ZC3H18: variants seen among roughly 807,000 people sequenced by gnomAD.
ZC3H18 encodes zinc finger CCCH-type containing 18.
ZC3H18 carries 8 observed loss-of-function variants against 106.1 expected under a neutral mutation model. That is an observed-to-expected ratio of 0.08 (90% confidence interval 0.04 to 0.14). The LOEUF (loss-of-function observed/expected upper bound fraction) is 0.14, where lower values mean the gene tolerates loss of function less well. Ranked by LOEUF, ZC3H18 falls within the 10% of genes least tolerant of loss-of-function variation. The pLI, the probability that ZC3H18 is intolerant of heterozygous loss-of-function variation, is 1.00. For synonymous variants in ZC3H18, 635 were observed against 522.1 expected (o/e 1.22, Z -2.95); for missense variants, 1,318 against 1,278.4 (o/e 1.03, Z -0.47).
chr16:88,630,496 C>A lies in ZC3H18; in HGVS notation c.2578C>A (p.Arg860=), dbSNP rs746119523. ...TACCTATCACCCAGGTTCTCGGGAC[C>A]GGAAGTCAGGTGGGAGACTGGGCTC... ...NTSPDRGSRD[R]KSGGRLGSPK... Residue 860 remains arginine (R), a synonymous_variant, in exon 17 of 18, where the codon CGG becomes AGG. Transcript: ENST00000301011. 6.2e-7 allele frequency: 1 copy of A among 1,613,320 alleles called. No homozygotes were observed. Among genetic ancestry groups the A allele is most frequent in the Non-Finnish European group, 8.5e-7 (1 of 1,179,856 alleles).
intron 8 of ZC3H18, among the ~76,000 whole-genome samples, chr16:88,613,717 T>G (rs1168218966): frequency 6.6e-6 from 1 of 152,256 alleles, no homozygotes; most frequent in Non-Finnish European, 1.5e-5. Flanking sequence ...CCTTTATGTA[T>G]TCCAGATACA....
At chr16:88,625,625 C>T (rs150404505) in intron 13 of ZC3H18, 213 of 283,880 alleles carry the variant, frequency 7.5e-4, no homozygotes, top group African/African-American at 4.3e-3. Flanking sequence ...GCTGGGCCTG[C>T]GTGACCTATC....
At chr16:88,616,876 T>G (rs1905641439) in intron 8 of ZC3H18, among the ~76,000 whole-genome samples, 1 of 152,156 alleles carries the variant, frequency 6.6e-6, no homozygotes, top group African/African-American at 2.4e-5. Flanking sequence ...GCATGGGGGC[T>G]ACACCCTAGT....
chr16:88,594,755 A>G (rs1254231573), intron 3 of ZC3H18, among the ~76,000 whole-genome samples: 3 of 152,114 alleles, frequency 2.0e-5, no homozygotes, highest in Admixed American at 6.5e-5. Flanking sequence ...TACCTTTTAG[A>G]GTGGGTGGGT....
At chr16:88,608,129 TATC>T (rs1351959534) in intron 6 of ZC3H18, among the ~76,000 whole-genome samples, 7 of 152,334 alleles carry the variant, frequency 4.6e-5, no homozygotes, top group Non-Finnish European at 8.8e-5. Flanking sequence ...TATAGTATCA[TATC>T]ATTTTGCAAA....
chr16:88,580,377 T>C (rs1368407669), intron 2 of ZC3H18, among the ~76,000 whole-genome samples: 2 of 152,012 alleles, frequency 1.3e-5, no homozygotes, highest in Non-Finnish European at 2.9e-5. Flanking sequence ...TGAGAACCTT[T>C]GTAATGTGAA....
chr16:88,595,025 C>T (rs2142648728), intron 3 of ZC3H18, among the ~76,000 whole-genome samples: 1 of 152,258 alleles, frequency 6.6e-6, no homozygotes, highest in East Asian at 1.9e-4. Context: ...GTGGTGCATG[C>T]CTGTAATTCC....
chr16:88,624,516 C>A, intron 11 of ZC3H18, 86 bp from the exon 12 acceptor site: 1 of 1,597,660 alleles, frequency 6.3e-7, no homozygotes, highest in South Asian at 1.1e-5. Context: ...TGTCGTTCCC[C>A]GAGCTGTGGG....
intron 3 of ZC3H18, among the ~76,000 whole-genome samples, chr16:88,593,490 T>G (rs1236130715): frequency 6.6e-6 from 1 of 152,212 alleles, no homozygotes; most frequent in Non-Finnish European, 1.5e-5. Flanking sequence ...ATTTTCGATT[T>G]AGTATTTTCA....
intron 8 of ZC3H18, 69 bp from the exon 9 acceptor site, chr16:88,622,128 G>A: frequency 6.6e-7 from 1 of 1,517,520 alleles, no homozygotes; most frequent in Admixed American, 2.0e-5. Context: ...CTCTCCCGCT[G>A]CTGTCACACC....
intron 8 of ZC3H18, among the ~76,000 whole-genome samples, chr16:88,617,953 T>C (rs1905726388): frequency 6.6e-6 from 1 of 152,186 alleles, no homozygotes; most frequent in African/African-American, 2.4e-5. Context: ...TTCAGAGGGA[T>C]TTGTGACTCC....
intron 8 of ZC3H18, among the ~76,000 whole-genome samples, chr16:88,618,580 G>A (rs1484666984): frequency 1.3e-5 from 2 of 152,228 alleles, no homozygotes; most frequent in Non-Finnish European, 2.9e-5. Context: ...TGTGGCTGCT[G>A]GCATCGGTGA....
At chr16:88,619,824 C>T (rs1191775965) in intron 8 of ZC3H18, among the ~76,000 whole-genome samples, 2 of 152,330 alleles carry the variant, frequency 1.3e-5, no homozygotes, top group East Asian at 3.9e-4. Context: ...AAGGGCCGCG[C>T]TGTCCCTGTG....
intron 3 of ZC3H18, chr16:88,587,434 T>C (rs773975537): frequency 4.8e-5 from 42 of 867,218 alleles, no homozygotes; most frequent in Non-Finnish European, 7.3e-5. Context: ...GGTAGGAAGG[T>C]GTTTTTCTCT....
chr16:88,615,516 G>C (rs1241220697), intron 8 of ZC3H18, among the ~76,000 whole-genome samples: 2 of 152,182 alleles, frequency 1.3e-5, no homozygotes, highest in African/African-American at 4.8e-5. Context: ...GTATCAGCCT[G>C]CATTTTTACC....
intron 8 of ZC3H18, among the ~76,000 whole-genome samples, chr16:88,617,505 C>G (rs557904263): frequency 6.6e-6 from 1 of 152,288 alleles, no homozygotes; most frequent in Admixed American, 6.5e-5. Flanking sequence ...CGCCGAGGCA[C>G]GTCATTACGA....
At position 88,630,473 on chromosome 16, in the gene ZC3H18, C is replaced by T. The variant is rs778363879; in HGVS notation, c.2567-12C>T. Reference sequence around the variant, plus strand: ...ATCAGGAGGGTGGTCTCACTCTGTACCTATCACCCAGGTTCTCGGGACCGG... The same window carrying T: ...ATCAGGAGGGTGGTCTCACTCTGTATCTATCACCCAGGTTCTCGGGACCGG... On this transcript the variant is annotated splice_polypyrimidine_tract_variant and intron_variant, in intron 16 of 17. Transcript: ENST00000301011. 5 of 1,610,970 alleles carry T rather than the reference C, an allele frequency of 3.1e-6. No individual in the cohort carries two copies. The highest frequency in any genetic ancestry group is 2.2e-5 in the South Asian group (2 of 90,434).
At chr16:88,621,302 G>A (rs1488421567) in intron 8 of ZC3H18, among the ~76,000 whole-genome samples, 1 of 150,500 alleles carries the variant, frequency 6.6e-6, no homozygotes, top group Admixed American at 6.6e-5. Context: ...TCGGCTCACT[G>A]CAAGCTCCAC....
rs534586184 is a variant in ZC3H18 at position 88,622,470 on chromosome 16, G to A, written c.1667+82G>A. 22 of 1,432,554 alleles carry A rather than the reference G, an allele frequency of 1.5e-5. No homozygotes were observed. In the South Asian group the frequency reaches 2.8e-4, roughly 18 times the overall value. The allele number at this position is 1,432,554 out of a possible 1,614,324, so 88.7% of individuals were successfully genotyped here. A position where few individuals can be genotyped will look rare whatever the true frequency, so the allele number is the denominator to read the frequency against. ...ACCATGTACCTCACTGGGTCAGGTG[G>A]GGAACACCCCAGCCCCACTGTTTGC... On this transcript the variant is annotated intron_variant, in intron 9 of 17. Coordinates refer to ENST00000301011, the MANE Select transcript of ZC3H18 (RefSeq NM_144604.4).
Sources: gnomAD v4.1 joint callset for allele counts (sites outside exome capture counted in the v4.1 genomes callset) on GRCh38, gnomAD v4.1.1 for gene constraint, MANE v1.5 for transcripts, NCBI Gene and HGNC (gene_info 2026-07-23, HGNC 2026-07-21) for gene names.